The following TULP4 variants were observed in gnomAD, a reference collection of about 807,000 sequenced individuals.
TULP4 encodes the protein tubby-related protein 4.
Under a neutral mutation model 129.0 loss-of-function variants are expected in TULP4, and 16 were observed. The observed-to-expected ratio is 0.12, with a 90% CI of 0.08 to 0.19. The LOEUF (loss-of-function observed/expected upper bound fraction) is 0.19. Ranked by LOEUF, TULP4 falls within the 10% of genes least tolerant of loss-of-function variation. The pLI is 1.00. For missense variants in TULP4, 1,842 were observed against 2,059.1 expected (o/e 0.89, Z 2.04); for synonymous variants, 998 against 854.0 (o/e 1.17, Z -2.94).
chr6:158,315,215 C>T (rs180757745), intron 1 of TULP4, among the ~76,000 whole-genome samples: 2 of 152,172 alleles, frequency 1.3e-5, no homozygotes, highest in East Asian at 3.9e-4. Context: ...GGCTTATAAA[C>T]AGTAGAAATT....
intron 1 of TULP4, among the ~76,000 whole-genome samples, chr6:158,393,334 G>A (rs371945531): frequency 4.6e-5 from 7 of 152,272 alleles, no homozygotes; most frequent in East Asian, 1.9e-4. Context: ...ACAAGCTGTC[G>A]GTGGACCTAC....
chr6:158,396,844 A>G (rs986374760), intron 1 of TULP4, among the ~76,000 whole-genome samples: 11 of 152,192 alleles, frequency 7.2e-5, no homozygotes, highest in African/African-American at 2.4e-4. Context: ...TTTCCCCCCA[A>G]GTTCTGGCAC....
At chr6:158,289,097 A>G (rs1778883955) in intron 1 of TULP4, among the ~76,000 whole-genome samples, 2 of 152,096 alleles carry the variant, frequency 1.3e-5, no homozygotes, top group Admixed American at 6.5e-5. Context: ...CATTTTCTTT[A>G]GTGGTTATAG....
intron 1 of TULP4, among the ~76,000 whole-genome samples, chr6:158,339,231 G>T (rs1027313260): frequency 5.9e-5 from 9 of 152,150 alleles, no homozygotes; most frequent in Non-Finnish European, 1.3e-4. Flanking sequence ...CGTAAAACCA[G>T]CAAGTTTTTA....
chr6:158,249,936 G>A (rs1278895640), intron 1 of TULP4, among the ~76,000 whole-genome samples: 1 of 152,180 alleles, frequency 6.6e-6, no homozygotes, highest in Non-Finnish European at 1.5e-5. Context: ...AAATTTGATA[G>A]AGTAATATTA....
At chr6:158,399,249 C>T (rs1468006374) in intron 1 of TULP4, among the ~76,000 whole-genome samples, 1 of 152,180 alleles carries the variant, frequency 6.6e-6, no homozygotes, top group Non-Finnish European at 1.5e-5. Context: ...GTTTTCATCT[C>T]ACTTGTTTTT....
chr6:158,329,373 A>G (rs7767157), intron 1 of TULP4, among the ~76,000 whole-genome samples: 130,198 of 151,226 alleles, frequency 0.86, 56,484 homozygotes, highest in South Asian at 0.93. Flanking sequence ...GTTTAAGGCA[A>G]AACCGAGATT....
chr6:158,293,637 GAC>G lies in TULP4; in HGVS notation n.116+11261_116+11262del, dbSNP rs541518945. Among the ~76,000 whole-genome samples, 3 of 152,318 alleles carry G rather than the reference GAC, an allele frequency of 2.0e-5. No homozygotes were observed. The South Asian group carries it at 6.2e-4, about 32-fold the overall frequency. ...AAAGAGATGGTTGTGTTCTGAATAA[GAC>G]AGAATTCTATAGACTCCACCTCTGT... On this transcript the variant is annotated intron_variant and non_coding_transcript_variant, in intron 1 of 1. Transcript: ENST00000432358.
chr6:158,500,671 A>G (rs1780423872), intron 12 of TULP4, among the ~76,000 whole-genome samples: 2 of 152,346 alleles, frequency 1.3e-5, no homozygotes, highest in South Asian at 4.1e-4. Flanking sequence ...CGCTGTTCAA[A>G]TGCACGCACG....
chr6:158,363,612 T>C (rs1780850788), intron 1 of TULP4, among the ~76,000 whole-genome samples: 2 of 152,266 alleles, frequency 1.3e-5, no homozygotes, highest in Non-Finnish European at 2.9e-5. Context: ...GCCTCCTGAG[T>C]AGCTGGGACT....
chr6:158,306,824 A>C (rs1554278628), intron 1 of TULP4, among the ~76,000 whole-genome samples: 1 of 152,080 alleles, frequency 6.6e-6, no homozygotes, highest in Non-Finnish European at 1.5e-5. Flanking sequence ...GTTCGAGACC[A>C]GCCTGGCTAA....
intron 1 of TULP4, among the ~76,000 whole-genome samples, chr6:158,322,315 G>T (rs951131544): frequency 1.3e-5 from 2 of 152,084 alleles, no homozygotes; most frequent in African/African-American, 2.4e-5. Flanking sequence ...ATTTCCTTTA[G>T]TGATGGCCTG....
chr6:158,480,771 A>G (rs1779923414), intron 7 of TULP4, among the ~76,000 whole-genome samples: 1 of 151,986 alleles, frequency 6.6e-6, no homozygotes, highest in Non-Finnish European at 1.5e-5. Context: ...ATAGCATTGG[A>G]AAATACAGGT....
At chr6:158,420,123 G>A (rs1778302393) in intron 2 of TULP4, among the ~76,000 whole-genome samples, 1 of 152,028 alleles carries the variant, frequency 6.6e-6, no homozygotes, top group Non-Finnish European at 1.5e-5. Flanking sequence ...ATATTATATA[G>A]GTATCATATA....
intron 7 of TULP4, among the ~76,000 whole-genome samples, chr6:158,480,841 T>C (rs762080349): frequency 5.3e-5 from 8 of 152,204 alleles, no homozygotes; most frequent in Non-Finnish European, 1.0e-4. Context: ...CTGGTTTAGA[T>C]ATGCTTCGAA....
Position 158,506,752 on chromosome 6 carries a change from A to T in TULP4, c.*58A>T. ...GAGCCTTTGGAAGAGGTCTTCGGAGATGCCAGAGGAGCCCTCTAGGGGTCC... is the reference window on the plus strand; with the variant it reads ...GAGCCTTTGGAAGAGGTCTTCGGAGTTGCCAGAGGAGCCCTCTAGGGGTCC... On this transcript the variant is annotated 3_prime_UTR_variant, in exon 14 of 14. Transcript: ENST00000367097. The T allele has an allele frequency of 8.1e-7, 1 of 1,236,382 alleles. No individual in the cohort carries two copies. The highest frequency in any genetic ancestry group is 1.2e-6 in the Non-Finnish European group (1 of 842,322). The allele number at this position is 1,236,382 out of a possible 1,614,324, so 76.6% of individuals were successfully genotyped here.
intron 1 of TULP4, among the ~76,000 whole-genome samples, chr6:158,262,599 A>G (rs1179728577): frequency 6.6e-6 from 1 of 152,170 alleles, no homozygotes; most frequent in Non-Finnish European, 1.5e-5. Flanking sequence ...TTCTTCTGCA[A>G]AGAATTGAAC....
At chr6:158,393,384 C>T (rs188331557) in intron 1 of TULP4, among the ~76,000 whole-genome samples, 125 of 152,336 alleles carry the variant, frequency 8.2e-4, no homozygotes, top group African/African-American at 2.9e-3. Flanking sequence ...CTTCTCACAG[C>T]TTCACCAGGC....
intron 11 of TULP4, 74 bp from the exon 12 acceptor site, chr6:158,498,595 C>T: frequency 6.3e-7 from 1 of 1,585,754 alleles, no homozygotes; most frequent in African/African-American, 1.3e-5. Flanking sequence ...CGCTCTTCTT[C>T]CTGTGACTCT....
Sources: allele counts gnomAD v4.1 joint callset (sites outside exome capture counted in the v4.1 genomes callset), GRCh38; gene constraint gnomAD v4.1.1; transcripts MANE v1.5; gene names NCBI Gene and HGNC (gene_info 2026-07-23, HGNC 2026-07-21).